Variants in LAMA2 observed in about 807,000 individuals in gnomAD.
LAMA2 encodes the protein laminin subunit alpha 2.
LAMA2 carries 269 observed loss-of-function variants against 364.8 expected under a neutral mutation model. That is an observed-to-expected ratio of 0.74 (90% confidence interval 0.67 to 0.82). The LOEUF (loss-of-function observed/expected upper bound fraction) is 0.82. Ranked by LOEUF, LAMA2 falls within the 40% of genes least tolerant of loss-of-function variation. LAMA2 has a pLI of 0.00. For missense variants in LAMA2, 3,807 were observed against 3,873.2 expected, an observed-to-expected ratio of 0.98 and a Z score of 0.45; for synonymous variants, 1,379 against 1,370.6, an observed-to-expected ratio of 1.01 and a Z score of -0.14.
chr6:129,183,447 C>T (rs985421379), intron 10 of LAMA2, among the ~76,000 whole-genome samples: 3 of 151,788 alleles, frequency 2.0e-5, no homozygotes, highest in Non-Finnish European at 2.9e-5. Flanking sequence ...TCTTGTTTTG[C>T]TTTGTTTTTA....
intron 1 of LAMA2, among the ~76,000 whole-genome samples, chr6:128,978,093 C>G (rs1179246496): frequency 6.6e-6 from 1 of 151,912 alleles, no homozygotes; most frequent in Non-Finnish European, 1.5e-5. Flanking sequence ...AGAATAATAC[C>G]CTGGATATCC....
At chr6:128,918,018 A>G (rs1176003656) in intron 1 of LAMA2, among the ~76,000 whole-genome samples, 1 of 151,980 alleles carries the variant, frequency 6.6e-6, no homozygotes, top group Non-Finnish European at 1.5e-5. Flanking sequence ...GGCATGAGCC[A>G]CTGCACCTGG....
rs147407422 is a variant in LAMA2 at position 129,492,387 on chromosome 6, T to C, written c.8148T>C (p.Arg2716=). 3 of 1,614,036 alleles carry C rather than the reference T, an allele frequency of 1.9e-6. No homozygotes were observed. The African/African-American group carries it at 4.0e-5, about 22-fold the overall frequency. Residue 2716 remains arginine (R), a synonymous_variant, in exon 58 of 65, where the codon CGT becomes CGC. Transcript: ENST00000421865. ...GTCGCTGTGCCCATCAGAAACTCCG[T>C]GAAGATGAAGATGGAGCAGCTCCAG... ...DIGRCAHQKL[R]EDEDGAAPAE...
At chr6:128,987,134 T>A (rs1269314073) in intron 1 of LAMA2, among the ~76,000 whole-genome samples, 1 of 44,948 alleles carries the variant, frequency 2.2e-5, no homozygotes, top group Non-Finnish European at 4.9e-5. Context: ...TTGTTTTTTT[T>A]TTTTTGTTTT....
chr6:129,282,396 C>G (rs1054307232), intron 18 of LAMA2, among the ~76,000 whole-genome samples: 15 of 152,144 alleles, frequency 9.9e-5, no homozygotes, highest in African/African-American at 3.6e-4. Flanking sequence ...TTTGAGACCC[C>G]TTTCTCTATA....
chr6:129,240,436 C>G (rs538865373), intron 12 of LAMA2, among the ~76,000 whole-genome samples: 1 of 152,102 alleles, frequency 6.6e-6, no homozygotes, highest in Non-Finnish European at 1.5e-5. Context: ...GATTTTTTTT[C>G]TGGTATACTT....
rs1786958217 is a variant in LAMA2 at position 129,039,791 on chromosome 6, T to TGA, written c.113-10127_113-10126insGA. 2.0e-5 allele frequency among the ~76,000 whole-genome samples: 3 copies of TGA among 152,298 alleles called. No homozygotes were observed. The South Asian group carries it at 6.2e-4, about 32-fold the overall frequency. On this transcript the variant is annotated intron_variant, in intron 1 of 64. Transcript: ENST00000421865. ...TGCACAGTTCACAATATGGTTCACG[T>TGA]TCCTGTGAGAGTCTAATGCTGTTGC...
intron 3 of LAMA2, among the ~76,000 whole-genome samples, chr6:129,087,015 C>T (rs2114849889): frequency 6.6e-6 from 1 of 152,230 alleles, no homozygotes; most frequent in Admixed American, 6.5e-5. Flanking sequence ...CTTTTGCCTC[C>T]CTCTTATACT....
Position 129,126,096 on chromosome 6 carries a change from C to T in LAMA2, c.640-17805C>T, listed in dbSNP as rs1777101258. 1.3e-5 allele frequency among the ~76,000 whole-genome samples: 2 copies of T among 152,228 alleles called. 1 individual carries two copies. Among genetic ancestry groups the T allele is most frequent in the East Asian group, 3.9e-4 (2 of 5,188 alleles). On this transcript the variant is annotated intron_variant, in intron 4 of 64. Transcript: ENST00000421865. Reference sequence around the variant, plus strand: ...AGAAAGCACAGGTTAAATCAAATTTCAACACAGTATCATTTCAGTATAAAA... The same window carrying T: ...AGAAAGCACAGGTTAAATCAAATTTTAACACAGTATCATTTCAGTATAAAA...
chr6:129,227,245 A>C (rs565011483), intron 12 of LAMA2, among the ~76,000 whole-genome samples: 8 of 151,998 alleles, frequency 5.3e-5, no homozygotes, highest in African/African-American at 1.7e-4. Context: ...ATCTTTTTTC[A>C]AGGTTTTTAG....
At chr6:129,151,176 G>A (rs1778770474) in intron 7 of LAMA2, among the ~76,000 whole-genome samples, 1 of 152,164 alleles carries the variant, frequency 6.6e-6, no homozygotes, top group Non-Finnish European at 1.5e-5. Context: ...AGAAAGTGGG[G>A]CTGTAGGTGT....
intron 1 of LAMA2, among the ~76,000 whole-genome samples, chr6:129,034,136 T>C (rs1786436505): frequency 6.6e-6 from 1 of 152,088 alleles, no homozygotes; most frequent in African/African-American, 2.4e-5. Context: ...CTTGGGAAAA[T>C]AGACTTGAAG....
chr6:129,465,421 A>AT, intron 51 of LAMA2, 132 bp downstream of exon 51: 7 of 785,198 alleles, frequency 8.9e-6, no homozygotes, highest in South Asian at 7.5e-5. Flanking sequence ...TTATACAGTC[A>AT]TTTTTTTGGC....
At chr6:129,063,170 T>C (rs184422752) in intron 3 of LAMA2, among the ~76,000 whole-genome samples, 2 of 152,194 alleles carry the variant, frequency 1.3e-5, no homozygotes, top group South Asian at 2.1e-4. Flanking sequence ...GTAATGATAA[T>C]GGCAATATAG....
At chr6:129,511,725 T>A (rs954573611) in intron 62 of LAMA2, among the ~76,000 whole-genome samples, 1 of 150,378 alleles carries the variant, frequency 6.6e-6, no homozygotes, top group Non-Finnish European at 1.5e-5. Context: ...GCTCAAAGAT[T>A]AAAAAAAAAA....
At chr6:129,332,716 G>A (rs1371830922) in intron 29 of LAMA2, among the ~76,000 whole-genome samples, 1 of 151,864 alleles carries the variant, frequency 6.6e-6, no homozygotes, top group African/African-American at 2.4e-5. Flanking sequence ...TCATTTTAAT[G>A]GTAGTAAACA....
At chr6:129,093,342 T>C (rs1774968237) in intron 3 of LAMA2, among the ~76,000 whole-genome samples, 1 of 151,670 alleles carries the variant, frequency 6.6e-6, no homozygotes, top group South Asian at 2.1e-4. Context: ...TTCTAGAAAC[T>C]GATTCTGGTT....
chr6:129,070,475 G>A (rs1199960050), intron 3 of LAMA2, among the ~76,000 whole-genome samples: 1 of 151,922 alleles, frequency 6.6e-6, no homozygotes, highest in East Asian at 1.9e-4. Context: ...AGCACTTTAT[G>A]GACATTAATA....
intron 52 of LAMA2, 138 bp from the exon 53 acceptor site, chr6:129,475,252 T>G: frequency 1.7e-6 from 1 of 587,082 alleles, no homozygotes; most frequent in Non-Finnish European, 2.9e-6. Flanking sequence ...GGCTTTTGCA[T>G]TTCTTTCCTT....
Sources: gnomAD v4.1 joint callset for allele counts (sites outside exome capture counted in the v4.1 genomes callset) on GRCh38, gnomAD v4.1.1 for gene constraint, MANE v1.5 for transcripts, NCBI Gene and HGNC (gene_info 2026-07-23, HGNC 2026-07-21) for gene names.